Variants in RBFOX1 observed in about 807,000 individuals in gnomAD.
RBFOX1 encodes the protein RNA binding fox-1 homolog 1.
A neutral mutation model predicts 57.7 loss-of-function variants in RBFOX1; 8 were observed. The observed-to-expected ratio is 0.14, with a 90% CI of 0.08 to 0.25. The LOEUF is 0.25. Among genes scored for constraint, RBFOX1 ranks in the 10% least tolerant of loss-of-function variants. The pLI, the probability that RBFOX1 is intolerant of heterozygous loss-of-function variation, is 1.00. For synonymous variants in RBFOX1, 326 were observed against 222.4 expected (o/e 1.47, Z -4.15); for missense variants, 611 against 548.5 (o/e 1.11, Z -1.14).
At chr16:6,461,879 A>C (rs188920534) in intron 2 of RBFOX1, among the ~76,000 whole-genome samples, 2 of 152,316 alleles carry the variant, frequency 1.3e-5, no homozygotes, top group African/African-American at 4.8e-5. Context: ...TTCATTGTTC[A>C]GTACATTTAA....
At chr16:6,761,309 A>T (rs1365727822) in intron 3 of RBFOX1, among the ~76,000 whole-genome samples, 1 of 152,084 alleles carries the variant, frequency 6.6e-6, no homozygotes, top group Non-Finnish European at 1.5e-5. Flanking sequence ...ATTTGGTTGA[A>T]GCCTTTTGTC....
chr16:6,919,700 C>T (rs998802202), intron 3 of RBFOX1, among the ~76,000 whole-genome samples: 1 of 150,686 alleles, frequency 6.6e-6, no homozygotes, highest in Non-Finnish European at 1.5e-5. Flanking sequence ...GTCATCAGCA[C>T]TGATATATTG....
chr16:6,298,130 A>G (rs1476084293), intron 1 of RBFOX1, among the ~76,000 whole-genome samples: 2 of 152,214 alleles, frequency 1.3e-5, no homozygotes, highest in Admixed American at 1.3e-4. Context: ...ACACACGCCC[A>G]GTTGGGCTCC....
Position 6,335,216 on chromosome 16 carries a change from T to C in RBFOX1, c.-64+18159T>C, listed in dbSNP as rs570352784. ...ACACGTAAGGCAGACGGGAAGATGG[T>C]TCCATTCATTTCAGAGAAATGGGAG... On this transcript the variant is annotated intron_variant, in intron 2 of 15. Coordinates refer to ENST00000550418, the MANE Select transcript of RBFOX1 (RefSeq NM_018723.4). Among the ~76,000 whole-genome samples the C allele has an allele frequency of 3.3e-5, 5 of 152,314 alleles. No individual in the cohort carries two copies. In the East Asian group the frequency reaches 7.7e-4, roughly 24 times the overall value.
intron 1 of RBFOX1, among the ~76,000 whole-genome samples, chr16:6,251,454 C>G (rs1175672839): frequency 6.6e-6 from 1 of 152,022 alleles, no homozygotes. Context: ...CTCCAAAGTC[C>G]CCTTGCTTTC....
chr16:5,425,257 C>T (rs2067522524), intron 1 of RBFOX1, among the ~76,000 whole-genome samples: 1 of 151,932 alleles, frequency 6.6e-6, no homozygotes, highest in Non-Finnish European at 1.5e-5. Context: ...AGACGTGCAC[C>T]ACCACGTCCA....
intron 3 of RBFOX1, among the ~76,000 whole-genome samples, chr16:6,958,451 G>A (rs984379390): frequency 7.9e-5 from 12 of 152,016 alleles, no homozygotes; most frequent in African/African-American, 1.9e-4. Context: ...GGACCTTCTC[G>A]CAATTCCTCG....
chr16:7,345,202 C>T (rs565400515), intron 4 of RBFOX1, among the ~76,000 whole-genome samples: 1 of 152,202 alleles, frequency 6.6e-6, no homozygotes, highest in Admixed American at 6.5e-5. Flanking sequence ...ATGTCAGTTA[C>T]TCCCGGGGCT....
At chr16:7,181,799 G>C (rs577116649) in intron 4 of RBFOX1, among the ~76,000 whole-genome samples, 1 of 152,146 alleles carries the variant, frequency 6.6e-6, no homozygotes, top group South Asian at 2.1e-4. Context: ...GAGCTCAAGC[G>C]ATCTGCCCAT....
At chr16:7,489,735 G>T (rs1364611861) in intron 4 of RBFOX1, among the ~76,000 whole-genome samples, 1 of 150,614 alleles carries the variant, frequency 6.6e-6, no homozygotes, top group Non-Finnish European at 1.5e-5. Flanking sequence ...TGTTCCGGCT[G>T]ATCTTCAACT....
chr16:7,102,884 A>C (rs78222790), intron 4 of RBFOX1, among the ~76,000 whole-genome samples: 1,623 of 152,244 alleles, frequency 0.011, 31 homozygotes, highest in African/African-American at 0.037. Flanking sequence ...ATGCACTTCA[A>C]TTGAGTGCTA....
chr16:6,847,920 C>G (rs1454483632), intron 3 of RBFOX1, among the ~76,000 whole-genome samples: 1 of 152,026 alleles, frequency 6.6e-6, no homozygotes, highest in Non-Finnish European at 1.5e-5. Context: ...TCACTGCAAC[C>G]TCTGTATCAA....
chr16:6,238,458 A>G (rs2097523070), intron 1 of RBFOX1, among the ~76,000 whole-genome samples: 1 of 152,184 alleles, frequency 6.6e-6, no homozygotes, highest in Admixed American at 6.5e-5. Flanking sequence ...CATGGTGGAA[A>G]TTGCCAGAAG....
intron 2 of RBFOX1, among the ~76,000 whole-genome samples, chr16:6,524,877 A>G (rs1020899590): frequency 8.5e-5 from 13 of 152,088 alleles, no homozygotes; most frequent in African/African-American, 2.9e-4. Flanking sequence ...TCTCTTTATA[A>G]GGACACCATT....
chr16:7,090,492 A>AGT (rs2060647390), intron 4 of RBFOX1, among the ~76,000 whole-genome samples: 1 of 152,218 alleles, frequency 6.6e-6, no homozygotes, highest in African/African-American at 2.4e-5. Flanking sequence ...AATTAAAAAT[A>AGT]GTGTGGCCCC....
intron 1 of RBFOX1, among the ~76,000 whole-genome samples, chr16:6,131,452 A>T (rs1462109464): frequency 6.6e-6 from 1 of 152,190 alleles, no homozygotes; most frequent in African/African-American, 2.4e-5. Context: ...TAGAAAGCTT[A>T]CTACCCCTTG....
chr16:6,723,241 A>C (rs964768997), intron 3 of RBFOX1, among the ~76,000 whole-genome samples: 4 of 152,196 alleles, frequency 2.6e-5, no homozygotes, highest in African/African-American at 9.7e-5. Context: ...TAATACTGTG[A>C]GACTTTGGGC....
At chr16:7,389,669 A>G (rs1229988241) in intron 4 of RBFOX1, among the ~76,000 whole-genome samples, 1 of 152,174 alleles carries the variant, frequency 6.6e-6, no homozygotes, top group African/African-American at 2.4e-5. Flanking sequence ...AGAAATTCAG[A>G]AGACAATCTG....
intron 3 of RBFOX1, among the ~76,000 whole-genome samples, chr16:5,640,278 C>G (rs780919990): frequency 2.0e-5 from 3 of 152,134 alleles, no homozygotes; most frequent in Non-Finnish European, 4.4e-5. Context: ...AGCCATCGGT[C>G]TGAAAGTACT....
Sources: gnomAD v4.1 joint callset for allele counts (sites outside exome capture counted in the v4.1 genomes callset) on GRCh38, gnomAD v4.1.1 for gene constraint, MANE v1.5 for transcripts, NCBI Gene and HGNC (gene_info 2026-07-23, HGNC 2026-07-21) for gene names.